Variants in ATP9B observed in about 807,000 individuals in gnomAD.
The protein encoded by ATP9B is ATPase phospholipid transporting 9B, also known as probable phospholipid-transporting ATPase IIB.
ATP9B carries 110 observed loss-of-function variants against 146.1 expected under a neutral mutation model. The observed-to-expected ratio is 0.75, with a 90% CI of 0.65 to 0.88. The LOEUF is 0.88. Among genes scored for constraint, ATP9B ranks in the 40% least tolerant of loss-of-function variants. The pLI is 0.00. For synonymous variants in ATP9B, 604 were observed against 569.7 expected, an observed-to-expected ratio of 1.06 and a Z score of -0.86; for missense variants, 1,499 against 1,496.4, an observed-to-expected ratio of 1.00 and a Z score of -0.03.
At chr18:79,195,561 C>G (rs149056054) in intron 9 of ATP9B, among the ~76,000 whole-genome samples, 10 of 152,282 alleles carry the variant, frequency 6.6e-5, no homozygotes, top group African/African-American at 2.4e-4. Context: ...ACTAACCAAA[C>G]AATGGTACTT....
intron 2 of ATP9B, among the ~76,000 whole-genome samples, chr18:79,109,564 C>CTT (rs34940699): frequency 2.6e-4 from 34 of 129,870 alleles, no homozygotes; most frequent in Admixed American, 8.6e-4. Context: ...ATTGAGCTGT[C>CTT]TTTTTTTTTT....
rs537476141 is a variant in ATP9B, at chr18:79,142,473, A to G, written c.668-1329A>G. 2.8e-4 allele frequency among the ~76,000 whole-genome samples: 43 copies of G among 152,310 alleles called. 1 individual carries two copies. The South Asian group carries it at 8.7e-3, about 31-fold the overall frequency. ...GGAAAGAAGGGTGAATTGGATAGCT[A>G]GGAGAGAGGGTGAAATTAGATGATG... On this transcript the variant is annotated intron_variant, in intron 5 of 29. Transcript: ENST00000426216.
At chr18:79,147,139 A>G (rs1175229660) in intron 6 of ATP9B, among the ~76,000 whole-genome samples, 3 of 152,256 alleles carry the variant, frequency 2.0e-5, no homozygotes, top group Non-Finnish European at 2.9e-5. Context: ...AATAGGATTA[A>G]TCCATCAGGA....
intron 11 of ATP9B, among the ~76,000 whole-genome samples, chr18:79,229,009 C>T (rs1027567689): frequency 5.9e-5 from 9 of 151,956 alleles, no homozygotes; most frequent in Non-Finnish European, 8.8e-5. Flanking sequence ...CCAGCCTGGG[C>T]GACAGTATAA....
chr18:79,312,793 T>G (rs1362795304), intron 15 of ATP9B, among the ~76,000 whole-genome samples: 1 of 152,240 alleles, frequency 6.6e-6, no homozygotes, highest in Non-Finnish European at 1.5e-5. Context: ...GTTTAGATGG[T>G]ATTTGCCTTT....
In ATP9B at chr18:79,349,897, C is replaced by A. The variant is rs969086563; in HGVS notation, c.2903+1701C>A. On this transcript the variant is annotated intron_variant, in intron 25 of 29. Coordinates refer to ENST00000426216, the MANE Select transcript of ATP9B (RefSeq NM_198531.5). ...TTGCTTCCCTGGGAGGCCCCGCACC[C>A]CCCCCCCCACCATGCACCTTCACAC... Among the ~76,000 whole-genome samples, 4 of 148,014 alleles carry A rather than the reference C, an allele frequency of 2.7e-5. No individual in the cohort carries two copies. In the South Asian group the frequency reaches 8.6e-4, roughly 32 times the overall value.
chr18:79,071,923 T>G (rs2071889110), intron 1 of ATP9B, among the ~76,000 whole-genome samples: 1 of 149,580 alleles, frequency 6.7e-6, no homozygotes, highest in African/African-American at 2.5e-5. Flanking sequence ...CGAATAAATT[T>G]AGGGAGTTTT....
At chr18:79,336,860 C>G (rs2096830003) in intron 18 of ATP9B, 149 bp downstream of exon 18, 4 of 779,454 alleles carry the variant, frequency 5.1e-6, no homozygotes, top group Non-Finnish European at 8.4e-6. Flanking sequence ...ATGGGGTGAT[C>G]CTGTCTGCAT....
At chr18:79,167,014 A>G (rs2147819610) in intron 7 of ATP9B, among the ~76,000 whole-genome samples, 1 of 152,280 alleles carries the variant, frequency 6.6e-6, no homozygotes, top group African/African-American at 2.4e-5. Flanking sequence ...CAGGCGTTCC[A>G]TAAGCGACTT....
intron 12 of ATP9B, among the ~76,000 whole-genome samples, chr18:79,267,696 T>C (rs1483117565): frequency 1.3e-5 from 2 of 152,142 alleles, no homozygotes; most frequent in Non-Finnish European, 2.9e-5. Flanking sequence ...TTAGTTTGAT[T>C]GTATTTTTCT....
At chr18:79,156,429 T>C (rs900192028) in intron 7 of ATP9B, among the ~76,000 whole-genome samples, 7 of 152,210 alleles carry the variant, frequency 4.6e-5, no homozygotes, top group African/African-American at 1.7e-4. Flanking sequence ...GCTGGTTAGA[T>C]GGCCATGACT....
intron 11 of ATP9B, among the ~76,000 whole-genome samples, chr18:79,223,299 A>T (rs910054216): frequency 5.9e-5 from 9 of 152,186 alleles, no homozygotes; most frequent in Admixed American, 3.9e-4. Context: ...TTTAAAAGTT[A>T]TATTGATTTA....
At chr18:79,081,079 T>TC (rs1443805402) in intron 1 of ATP9B, among the ~76,000 whole-genome samples, 1 of 152,206 alleles carries the variant, frequency 6.6e-6, no homozygotes, top group African/African-American at 2.4e-5. Context: ...CCTGAAATTT[T>TC]CTTTTTTTGT....
At chr18:79,251,198 G>C (rs1483427728) in intron 11 of ATP9B, among the ~76,000 whole-genome samples, 1 of 152,208 alleles carries the variant, frequency 6.6e-6, no homozygotes, top group Non-Finnish European at 1.5e-5. Flanking sequence ...GTGTGCGCAG[G>C]ACAGATCACA....
At chr18:79,233,426 A>G (rs1450856068) in intron 11 of ATP9B, among the ~76,000 whole-genome samples, 1 of 152,252 alleles carries the variant, frequency 6.6e-6, no homozygotes, top group Admixed American at 6.5e-5. Context: ...GAGGACACCA[A>G]GCTGGTTAAA....
intron 10 of ATP9B, chr18:79,209,753 T>C: frequency 1.2e-6 from 1 of 846,352 alleles, no homozygotes; most frequent in Non-Finnish European, 1.4e-6. Flanking sequence ...TATTCGAACA[T>C]CTTTAAATGT....
intron 15 of ATP9B, among the ~76,000 whole-genome samples, chr18:79,324,714 T>C (rs1291349493): frequency 6.6e-6 from 1 of 152,200 alleles, no homozygotes; most frequent in East Asian, 1.9e-4. Flanking sequence ...CCCTTAAATA[T>C]GGAAACGAGT....
chr18:79,179,657 T>C (rs2095226563), intron 8 of ATP9B, among the ~76,000 whole-genome samples: 1 of 152,292 alleles, frequency 6.6e-6, no homozygotes, highest in Admixed American at 6.5e-5. Flanking sequence ...ATAGAACATA[T>C]TCTGTTCTAT....
chr18:79,082,581 G>A (rs940044547), intron 1 of ATP9B, among the ~76,000 whole-genome samples: 1 of 152,184 alleles, frequency 6.6e-6, no homozygotes, highest in South Asian at 2.1e-4. Flanking sequence ...ACCTTCAGAT[G>A]GAGTTTTTGT....
Sources: gnomAD v4.1 joint callset for allele counts (sites outside exome capture counted in the v4.1 genomes callset) on GRCh38, gnomAD v4.1.1 for gene constraint, MANE v1.5 for transcripts, NCBI Gene and HGNC (gene_info 2026-07-23, HGNC 2026-07-21) for gene names.